TRIM2: variants seen among roughly 807,000 people sequenced by gnomAD.
TRIM2 encodes tripartite motif containing 2.
TRIM2 carries 20 observed loss-of-function variants against 75.2 expected under a neutral mutation model. The ratio of observed to expected loss-of-function variants is 0.27; its 90% CI spans 0.19 to 0.39. The LOEUF is 0.39. Among genes scored for constraint, TRIM2 ranks in the 10% least tolerant of loss-of-function variants. The pLI is 1.00. For missense variants in TRIM2, 660 were observed against 990.8 expected, an observed-to-expected ratio of 0.67 and a Z score of 4.48; for synonymous variants, 373 against 388.3, an observed-to-expected ratio of 0.96 and a Z score of 0.46.
rs558226215 is a variant in TRIM2 at position 153,264,398 on chromosome 4, G to C, written c.31-5937G>C. 1.8e-3 allele frequency among the ~76,000 whole-genome samples: 269 copies of C among 152,282 alleles called. 1 individual carries two copies. The highest frequency in any genetic ancestry group is 3.2e-3 in the Non-Finnish European group (217 of 68,024). ...TCTTTACAGGCGAAGTCCACCCCAG[G>C]CATGTTTTCACACGGATCCCTTCAG... On this transcript the variant is annotated intron_variant, in intron 1 of 11. Transcript: ENST00000338700.
intron 1 of TRIM2, among the ~76,000 whole-genome samples, chr4:153,241,136 T>C (rs1160325361): frequency 6.6e-6 from 1 of 152,168 alleles, no homozygotes; most frequent in African/African-American, 2.4e-5. Flanking sequence ...CTTAAGTAGG[T>C]TAAGATGATC....
At chr4:153,301,587 T>C (rs1763936232) in intron 6 of TRIM2, among the ~76,000 whole-genome samples, 1 of 152,218 alleles carries the variant, frequency 6.6e-6, no homozygotes, top group Admixed American at 6.5e-5. Flanking sequence ...TGGAGCTTTT[T>C]CCCTATGTTT....
chr4:153,267,066 G>T (rs1755365180), intron 1 of TRIM2: 1 of 151,602 alleles, frequency 6.6e-6, no homozygotes, highest in African/African-American at 2.4e-5. Flanking sequence ...TTGGTGACTT[G>T]GTAGGAAGGA....
At chr4:153,221,848 G>A (rs77982639) in intron 1 of TRIM2, among the ~76,000 whole-genome samples, 13,757 of 99,664 alleles carry the variant, frequency 0.14, 1,157 homozygotes, top group South Asian at 0.17. Flanking sequence ...AGGAAAGCGC[G>A]AGGAAAGAAG....
chr4:153,252,322 G>C (rs1006403412), intron 1 of TRIM2, among the ~76,000 whole-genome samples: 1 of 152,110 alleles, frequency 6.6e-6, no homozygotes, highest in African/African-American at 2.4e-5. Flanking sequence ...ACATCCTGGG[G>C]CAGGTGACAT....
intron 1 of TRIM2, among the ~76,000 whole-genome samples, chr4:153,216,833 G>C (rs991809607): frequency 1.2e-4 from 18 of 152,096 alleles, no homozygotes; most frequent in Admixed American, 2.0e-4. Flanking sequence ...TTTTATAAAG[G>C]CATTAATCCG....
chr4:153,181,297 T>C (rs1360765508), intron 1 of TRIM2, among the ~76,000 whole-genome samples: 1 of 152,264 alleles, frequency 6.6e-6, no homozygotes, highest in Non-Finnish European at 1.5e-5. Context: ...TGTGCTCTCC[T>C]GCTCTCTAGA....
intron 5 of TRIM2, among the ~76,000 whole-genome samples, chr4:153,294,941 T>G (rs1762481543): frequency 6.6e-6 from 1 of 152,172 alleles, no homozygotes; most frequent in African/African-American, 2.4e-5. Flanking sequence ...TACTTCCTGT[T>G]CCTTTAGGTG....
intron 6 of TRIM2, among the ~76,000 whole-genome samples, chr4:153,302,277 C>G (rs947293941): frequency 6.6e-6 from 1 of 152,116 alleles, no homozygotes; most frequent in African/African-American, 2.4e-5. Flanking sequence ...AATCCAGTAT[C>G]TAGTCAAAAG....
At chr4:153,199,940 A>T (rs910362453), upstream of TRIM2, among the ~76,000 whole-genome samples, 2 of 122,186 alleles carry the variant, frequency 1.6e-5, no homozygotes, top group Admixed American at 8.9e-5. Context: ...TGGCCAGCTA[A>T]TTTTTTTTTT....
intron 3 of TRIM2, 166 bp downstream of exon 3, chr4:153,276,296 A>T: frequency 1.6e-6 from 1 of 621,946 alleles, no homozygotes; most frequent in Non-Finnish European, 2.8e-6. Flanking sequence ...ACTTTCTTTG[A>T]CCAGAACTAT....
intron 6 of TRIM2, among the ~76,000 whole-genome samples, chr4:153,300,136 AT>A (rs1263694637): frequency 6.6e-6 from 1 of 152,190 alleles, no homozygotes; most frequent in African/African-American, 2.4e-5. Context: ...TGATAATTGT[AT>A]TTTTAATTTT....
At chr4:153,171,095 G>T (rs1310064798) in intron 1 of TRIM2, among the ~76,000 whole-genome samples, 2 of 152,166 alleles carry the variant, frequency 1.3e-5, no homozygotes, top group East Asian at 3.8e-4. Flanking sequence ...GAGGCTGTGG[G>T]ACAGCAGGTC....
intron 3 of TRIM2, among the ~76,000 whole-genome samples, chr4:153,281,353 C>T (rs1041584589): frequency 6.6e-6 from 1 of 152,070 alleles, no homozygotes; most frequent in Non-Finnish European, 1.5e-5. Context: ...ATAGCTAGAG[C>T]GGAAGATAAA....
In TRIM2 at chr4:153,221,848, G is replaced by T. The variant is rs77982639; in HGVS notation, c.30+17288G>T. ...GAAATGAAGGAAGGAAGGAAAGCGC[G>T]AGGAAAGAAGAGAGAGAGGAAGGAA... On this transcript the variant is annotated intron_variant, in intron 1 of 11. Transcript: ENST00000338700. Among the ~76,000 whole-genome samples, 437 of 100,082 alleles carry T rather than the reference G, an allele frequency of 4.4e-3. 4 individuals are homozygous for T. Among genetic ancestry groups the T allele is most frequent in the Non-Finnish European group, 6.5e-3 (328 of 50,222 alleles). The allele number at this position is 100,082 out of a possible 152,430, so 65.7% of individuals were successfully genotyped here.
upstream of TRIM2, among the ~76,000 whole-genome samples, chr4:153,203,003 C>G (rs1185090800): frequency 6.7e-6 from 1 of 150,204 alleles, no homozygotes; most frequent in African/African-American, 2.4e-5. Context: ...TACTCAGGAG[C>G]CTGAGGCACA....
chr4:153,178,294 C>T (rs777658421), intron 1 of TRIM2, among the ~76,000 whole-genome samples: 3 of 152,094 alleles, frequency 2.0e-5, no homozygotes, highest in African/African-American at 4.8e-5. Context: ...CAAGCATGCA[C>T]CCCCAGCGCC....
intron 3 of TRIM2, among the ~76,000 whole-genome samples, chr4:153,288,558 T>C (rs1272646481): frequency 6.6e-6 from 1 of 152,238 alleles, no homozygotes; most frequent in African/African-American, 2.4e-5. Flanking sequence ...TACTGTTTCC[T>C]GGTTTGGATG....
intron 8 of TRIM2, among the ~76,000 whole-genome samples, chr4:153,317,708 A>G (rs536596135): frequency 6.6e-6 from 1 of 152,254 alleles, no homozygotes; most frequent in African/African-American, 2.4e-5. Context: ...CATGCCTGCA[A>G]TCCCAGCACT....
Sources: allele counts gnomAD v4.1 joint callset (sites outside exome capture counted in the v4.1 genomes callset), GRCh38; gene constraint gnomAD v4.1.1; transcripts MANE v1.5; gene names NCBI Gene and HGNC (gene_info 2026-07-23, HGNC 2026-07-21).